MCMBP: variants seen among roughly 807,000 people sequenced by gnomAD.
The protein encoded by MCMBP is mini-chromosome maintenance complex-binding protein.
Under a neutral mutation model 81.3 loss-of-function variants are expected in MCMBP, and 31 were observed. The observed-to-expected ratio is 0.38, with a 90% CI of 0.29 to 0.51. The LOEUF (loss-of-function observed/expected upper bound fraction) is 0.51. Among genes scored for constraint, MCMBP ranks in the 20% least tolerant of loss-of-function variants. The pLI is 0.87. For synonymous variants in MCMBP, 267 were observed against 275.9 expected, an observed-to-expected ratio of 0.97 and a Z score of 0.32; for missense variants, 645 against 772.1, an observed-to-expected ratio of 0.84 and a Z score of 1.95.
intron 6 of MCMBP, 86 bp from the exon 7 acceptor site, chr10:119,849,662 A>C: frequency 8.2e-7 from 1 of 1,222,672 alleles, no homozygotes; most frequent in Non-Finnish European, 1.1e-6. Flanking sequence ...TTCAAGTTTG[A>C]TATACGTGAT....
At chr10:119,872,424 G>T in intron 1 of MCMBP, 103 bp downstream of exon 1, 1 of 617,740 alleles carries the variant, frequency 1.6e-6, no homozygotes, top group Non-Finnish European at 2.2e-6. Context: ...GGCCACGCGA[G>T]CCCTCGAGAT....
chr10:119,834,851 G>A (rs1329751232), intron 14 of MCMBP, among the ~76,000 whole-genome samples: 2 of 99,058 alleles, frequency 2.0e-5, no homozygotes, highest in Admixed American at 3.2e-4. Context: ...GACACAGCGA[G>A]ACCCTGTCTC....
At chr10:119,842,864 C>T in intron 9 of MCMBP, 2 of 380,108 alleles carry the variant, frequency 5.3e-6, no homozygotes, top group Non-Finnish European at 9.9e-6. Flanking sequence ...TCCAGTTCTC[C>T]TGCCTCAGCC....
In MCMBP at chr10:119,833,210, A is replaced by G. The variant is rs76209626; in HGVS notation, c.1708-1110T>C. 9.8e-3 allele frequency among the ~76,000 whole-genome samples: 1,497 copies of G among 152,360 alleles called. 11 individuals are homozygous for G. Among genetic ancestry groups the G allele is most frequent in the Middle Eastern group, 0.024 (7 of 294 alleles). On this transcript the variant is annotated intron_variant, in intron 14 of 15. Transcript: ENST00000369077. ...ACTTCAGTGCCCACATGTGACAAAG[A>G]TACAGACTTTATAGAATTAGTCAAA...
At chr10:119,855,097 T>C (rs1278896118) in intron 5 of MCMBP, among the ~76,000 whole-genome samples, 2 of 152,096 alleles carry the variant, frequency 1.3e-5, no homozygotes, top group Non-Finnish European at 2.9e-5. Context: ...AAAAATAGTA[T>C]GTTGTGAGCT....
intron 8 of MCMBP, among the ~76,000 whole-genome samples, chr10:119,845,574 C>T (rs1852588857): frequency 6.6e-6 from 1 of 152,116 alleles, no homozygotes. Context: ...TGGGTGGGAA[C>T]AGACAGCAGG....
intron 14 of MCMBP, among the ~76,000 whole-genome samples, chr10:119,834,725 G>A (rs1852174279): frequency 6.6e-6 from 1 of 151,892 alleles, no homozygotes. Context: ...GCTGGGCACA[G>A]TGGCACATGC....
intron 8 of MCMBP, among the ~76,000 whole-genome samples, chr10:119,847,318 T>G (rs866102723): frequency 3.3e-5 from 5 of 152,310 alleles, no homozygotes; most frequent in Middle Eastern, 3.4e-3. Context: ...GCAAATTTCC[T>G]AGTTTTGATA....
At chr10:119,856,466 G>A (rs577537406) in intron 5 of MCMBP, among the ~76,000 whole-genome samples, 1 of 152,176 alleles carries the variant, frequency 6.6e-6, no homozygotes, top group Non-Finnish European at 1.5e-5. Flanking sequence ...TATATTATAT[G>A]AGTCCATTTA....
chr10:119,867,122 G>A (rs879530572), intron 1 of MCMBP, among the ~76,000 whole-genome samples: 4 of 150,734 alleles, frequency 2.7e-5, no homozygotes, highest in Admixed American at 1.3e-4. Flanking sequence ...GTGAAGCCCC[G>A]ACTCTACTAA....
chr10:119,837,926 C>T (rs886769789), intron 12 of MCMBP, among the ~76,000 whole-genome samples: 7 of 152,232 alleles, frequency 4.6e-5, no homozygotes, highest in African/African-American at 1.7e-4. Flanking sequence ...AATCCCAGCA[C>T]TGTGGGAGGC....
intron 5 of MCMBP, among the ~76,000 whole-genome samples, chr10:119,855,328 T>G (rs191496880): frequency 6.6e-6 from 1 of 152,154 alleles, no homozygotes; most frequent in Non-Finnish European, 1.5e-5. Context: ...TTGCTAACAT[T>G]AGAAAATAAG....
chr10:119,869,271 A>G (rs1853580299), intron 1 of MCMBP, among the ~76,000 whole-genome samples: 1 of 152,164 alleles, frequency 6.6e-6, no homozygotes, highest in Non-Finnish European at 1.5e-5. Context: ...TCCTGTCTCT[A>G]CTAAAAATAC....
At chr10:119,847,064 T>C (rs1385424180) in intron 8 of MCMBP, among the ~76,000 whole-genome samples, 2 of 151,924 alleles carry the variant, frequency 1.3e-5, no homozygotes, top group Non-Finnish European at 2.9e-5. Flanking sequence ...AATGATAAGA[T>C]TGTGAAAAAT....
At chr10:119,846,895 A>G (rs927043124) in intron 8 of MCMBP, among the ~76,000 whole-genome samples, 1 of 151,798 alleles carries the variant, frequency 6.6e-6, no homozygotes, top group African/African-American at 2.4e-5. Flanking sequence ...TGGAAGACAT[A>G]TATTTCTGTT....
At chr10:119,847,773 T>C in intron 7 of MCMBP, 60 bp from the exon 8 acceptor site, 2 of 944,410 alleles carry the variant, frequency 2.1e-6, no homozygotes, top group Non-Finnish European at 3.3e-6. Flanking sequence ...AAGATATTAG[T>C]CTTGAAGTAC....
At chr10:119,848,839 C>T (rs1852711445) in intron 7 of MCMBP, among the ~76,000 whole-genome samples, 1 of 152,054 alleles carries the variant, frequency 6.6e-6, no homozygotes, top group South Asian at 2.1e-4. Flanking sequence ...AGGAAGAAGA[C>T]AAAAATGAAG....
Position 119,832,005 on chromosome 10 carries a change from C to T in MCMBP, c.1796+7G>A. 1 of 1,607,042 alleles carries T rather than the reference C, an allele frequency of 6.2e-7. No homozygotes were observed. The highest frequency in any genetic ancestry group is 8.5e-7 in the Non-Finnish European group (1 of 1,177,420). On this transcript the variant is annotated splice_region_variant and intron_variant, in intron 15 of 15. Transcript: ENST00000369077. ...CGAAACAGCAATAATGGACGTGCGC[C>T]ACTTACCGAGCCACCACGAGCAGCT...
At chr10:119,867,487 A>G (rs1853513050) in intron 1 of MCMBP, among the ~76,000 whole-genome samples, 1 of 151,946 alleles carries the variant, frequency 6.6e-6, no homozygotes, top group African/African-American at 2.4e-5. Context: ...CCCAATGTTG[A>G]GGTGTGGATA....
Sources: allele counts gnomAD v4.1 joint callset (sites outside exome capture counted in the v4.1 genomes callset), GRCh38; gene constraint gnomAD v4.1.1; transcripts MANE v1.5; gene names NCBI Gene and HGNC (gene_info 2026-07-23, HGNC 2026-07-21).